The following CRLF1 variants were observed in gnomAD, a reference collection of about 807,000 sequenced individuals.
CRLF1 encodes cytokine receptor-like factor 1.
Under a neutral mutation model 48.9 loss-of-function variants are expected in CRLF1, and 36 were observed. That is an observed-to-expected ratio of 0.74 (90% CI 0.56 to 0.97). The LOEUF (loss-of-function observed/expected upper bound fraction) is 0.97. Among genes scored for constraint, CRLF1 ranks in the 50% least tolerant of loss-of-function variants. The pLI is 0.00. For missense variants in CRLF1, 534 were observed against 575.1 expected, an observed-to-expected ratio of 0.93 and a Z score of 0.73; for synonymous variants, 256 against 253.4, an observed-to-expected ratio of 1.01 and a Z score of -0.10.
At position 18,606,046 on chromosome 19, in the gene CRLF1, A is replaced by G. The variant is rs917073809; in HGVS notation, c.115+496T>C. Among the ~76,000 whole-genome samples the G allele has an allele frequency of 1.1e-4, 17 of 150,750 alleles. No homozygotes were observed. The highest frequency in any genetic ancestry group is 3.3e-4 in the Admixed American group (5 of 15,178). Reference sequence around the variant, plus strand: ...CCCGTGGAGACACAAGTCCCCCGGGACCCCGGGCTGCGCGCCAGGCGGCCA... The same window carrying G: ...CCCGTGGAGACACAAGTCCCCCGGGGCCCCGGGCTGCGCGCCAGGCGGCCA... On this transcript the variant is annotated intron_variant, in intron 1 of 8. Transcript: ENST00000392386. This position sits in a 1 kb window ranked among gnomAD's most constrained non-coding sequence, Gnocchi z 4.8.
intron 6 of CRLF1, among the ~76,000 whole-genome samples, chr19:18,595,236 C>T (rs1316024251): frequency 2.6e-5 from 4 of 152,252 alleles, no homozygotes; most frequent in East Asian, 1.9e-4. Context: ...CCCCAGCCTC[C>T]CCTGCGGACG....
Position 18,599,469 on chromosome 19 carries a change from C to T in CRLF1, c.397+96G>A, listed in dbSNP as rs560530161. ...TAGCCATGCCAGTGTGCCCACAGCTCATCCCCAGGCCAGAAGGCCCACAAT... is the reference window on the plus strand; with the variant it reads ...TAGCCATGCCAGTGTGCCCACAGCTTATCCCCAGGCCAGAAGGCCCACAAT... On this transcript the variant is annotated intron_variant, in intron 2 of 8. Coordinates refer to ENST00000392386, the MANE Select transcript of CRLF1 (RefSeq NM_004750.5). 309 of 1,546,406 alleles carry T rather than the reference C, an allele frequency of 2.0e-4. 1 individual carries two copies. The highest frequency in any genetic ancestry group is 9.3e-4 in the Middle Eastern group (4 of 4,314).
At chr19:18,594,032 T>TTGCGCC in intron 8 of CRLF1, 33 bp downstream of exon 8, 13 of 695,802 alleles carry the variant, frequency 1.9e-5, no homozygotes, top group Non-Finnish European at 2.9e-5. Flanking sequence ...CTCCCCTTGC[T>TTGCGCC]CCCTCCCGCC....
intron 6 of CRLF1, 74 bp from the exon 7 acceptor site, chr19:18,594,508 CGGCGCGGCGGGACCATGCTCCCCTCG>C (rs1361047328): frequency 2.6e-6 from 3 of 1,162,744 alleles, no homozygotes; most frequent in Admixed American, 8.7e-5. Flanking sequence ...GGGGAGACCC[CGGCGCGGCGGGACCATGCTCCCCTCG>C]GGGAACCTCC....
Position 18,606,511 on chromosome 19 carries a change from G to T in CRLF1, c.115+31C>A. The T allele has an allele frequency of 8.7e-7, 1 of 1,145,194 alleles. No individual in the cohort carries two copies. Among genetic ancestry groups the T allele is most frequent in the Non-Finnish European group, 1.1e-6 (1 of 932,700 alleles). 70.9% of individuals were successfully genotyped at this position (1,145,194 alleles called of 1,614,324 possible). The stretch of plus-strand genomic sequence containing the variant: ...GGGGCGCCCGCCCTCTGCTCTGGCA[G>T]GGGGGAAGGAGTGGGGCGCCGGGTA... On this transcript the variant is annotated intron_variant, in intron 1 of 8. Coordinates refer to ENST00000392386, the MANE Select transcript of CRLF1 (RefSeq NM_004750.5). The surrounding 1 kb of genome is among the most constrained non-coding windows in gnomAD (Gnocchi z 4.8).
Position 18,606,669 on chromosome 19 carries a change from G to T in CRLF1, c.-13C>A. 1 of 595,426 alleles carries T rather than the reference G, an allele frequency of 1.7e-6. No individual in the cohort carries two copies. The highest frequency in any genetic ancestry group is 2.1e-6 in the Non-Finnish European group (1 of 477,094). The allele number at this position is 595,426 out of a possible 1,614,324, so 36.9% of individuals were successfully genotyped here. ...GGCCGGCGGGCATGGGGCCGGCGCT[G>T]CCGGGGGCGCGCGGCGGGCTGCGGC... On this transcript the variant is annotated 5_prime_UTR_variant, in exon 1 of 9. Transcript: ENST00000392386. This position sits in a 1 kb window ranked among gnomAD's most constrained non-coding sequence, Gnocchi z 4.8.
Position 18,593,344 on chromosome 19 carries a change from A to G in CRLF1, c.*222T>C, listed in dbSNP as rs1335990417. The stretch of plus-strand genomic sequence containing the variant: ...CCAGCCCTGGCAGGGGTTCTAGGCA[A>G]CTCAACCAACCCTCACACACACACA... On this transcript the variant is annotated 3_prime_UTR_variant, in exon 9 of 9. Coordinates refer to ENST00000392386, the MANE Select transcript of CRLF1 (RefSeq NM_004750.5). 1 of 606,820 alleles carries G rather than the reference A, an allele frequency of 1.6e-6. No homozygotes were observed. The highest frequency in any genetic ancestry group is 2.9e-6 in the Non-Finnish European group (1 of 342,926). The allele number at this position is 606,820 out of a possible 1,614,324, so 37.6% of individuals were successfully genotyped here.
Position 18,597,018 on chromosome 19 carries a change from C to T in CRLF1, c.729G>A (p.Val243=). The T allele has an allele frequency of 6.2e-7, 1 of 1,613,144 alleles. No individual in the cohort carries two copies. Among genetic ancestry groups the T allele is most frequent in the Non-Finnish European group, 8.5e-7 (1 of 1,179,738 alleles). The change falls in exon 5 of 9, where the codon GTG becomes GTA. Residue 243 remains valine (V), a synonymous_variant. Transcript: ENST00000392386. ...VTTDPPPDVH[V]SRVGGLEDQL... is the part of the protein sequence containing the mutation. ...GGTCCTCCAGGCCCCCGACGCGGCT[C>T]ACGTGCACGTCGGGCGGGGGGTCCG...
rs1300917525 is a variant in CRLF1 at position 18,606,329 on chromosome 19, A to G, written c.115+213T>C. Among the ~76,000 whole-genome samples, 1 of 150,922 alleles carries G rather than the reference A, an allele frequency of 6.6e-6. No individual in the cohort carries two copies. Among genetic ancestry groups the G allele is most frequent in the African/African-American group, 2.4e-5 (1 of 41,178 alleles). ...CCCTCGGCCCAGCTGCCCAGGTAAC[A>G]GGGCCTCGGGCGCGGAAGCAGGACT... On this transcript the variant is annotated intron_variant, in intron 1 of 8. Coordinates refer to ENST00000392386, the MANE Select transcript of CRLF1 (RefSeq NM_004750.5). The surrounding 1 kb of genome is among the most constrained non-coding windows in gnomAD (Gnocchi z 4.8).
At chr19:18,599,536 CCCCTGG>C in intron 2 of CRLF1, 23 bp downstream of exon 2, 2 of 1,611,628 alleles carry the variant, frequency 1.2e-6, no homozygotes. Context: ...CCAAGAGCTA[CCCCTGG>C]GGTGTCCTGG....
chr19:18,606,581 GC>G lies in CRLF1; in HGVS notation c.75del (p.Leu26SerfsTer17). 1 of 707,724 alleles carries G rather than the reference GC, an allele frequency of 1.4e-6. No individual in the cohort carries two copies. The highest frequency in any genetic ancestry group is 1.7e-6 in the Non-Finnish European group (1 of 584,114). The allele number at this position is 707,724 out of a possible 1,614,324, so 43.8% of individuals were successfully genotyped here. A position where few individuals can be genotyped will look rare whatever the true frequency, so the allele number is the denominator to read the frequency against. ...RPPPLLPLLL[L>X]LCVLGAPRAG... ...GCTCGCGGCGCCCCGAGGACGCAGAGCAGCAGCAGCAGGGGCAGCAACGGCG... is the reference window on the plus strand; with the variant it reads ...GCTCGCGGCGCCCCGAGGACGCAGAGAGCAGCAGCAGGGGCAGCAACGGCG... On this transcript the variant is annotated frameshift_variant, in exon 1 of 9. Coordinates refer to ENST00000392386, the MANE Select transcript of CRLF1 (RefSeq NM_004750.5). LOFTEE classifies it high-confidence loss of function. The surrounding 1 kb of genome is among the most constrained non-coding windows in gnomAD (Gnocchi z 4.8).
At chr19:18,598,644 T>A (rs200805969) in intron 3 of CRLF1, 43 bp from the exon 4 acceptor site, 532 of 1,613,848 alleles carry the variant, frequency 3.3e-4, no homozygotes, top group Non-Finnish European at 4.3e-4. Flanking sequence ...GGGTTCCTTG[T>A]GGCCCCCAGA....
intron 1 of CRLF1, among the ~76,000 whole-genome samples, chr19:18,605,578 G>A (rs2031233585): frequency 6.6e-6 from 1 of 152,252 alleles, no homozygotes; most frequent in African/African-American, 2.4e-5. Context: ...GTGTGCGTCC[G>A]CGATGGTGCG....
chr19:18,593,982 G>A, intron 8 of CRLF1, 83 bp downstream of exon 8: 4 of 1,520,902 alleles, frequency 2.6e-6, no homozygotes, highest in South Asian at 1.2e-5. Context: ...GTTGGGAGGC[G>A]TGGGGGTGTG....
chr19:18,598,824 C>T lies in CRLF1; in HGVS notation c.475G>A (p.Ala159Thr). Residue 159 changes from alanine (A) to threonine (T), a missense_variant, in exon 3 of 9, where the codon GCC becomes ACC. Around this residue, in one of 2 missense-constraint regions of CRLF1, gnomAD observed 528 missense variants for 555.7 expected, o/e 0.95. Transcript: ENST00000392386. ...GTGTGGAGGAAGGTCTCCCCGTGGGCCCCTGGCGTCCAGCGGCAGGTCAAG... is the reference window on the plus strand; with the variant it reads ...GTGTGGAGGAAGGTCTCCCCGTGGGTCCCTGGCGTCCAGCGGCAGGTCAAG... ...KDLTCRWTPG[A>T]HGETFLHTNY... 3.1e-6 allele frequency: 5 copies of T among 1,614,106 alleles called. No homozygotes were observed. The highest frequency in any genetic ancestry group is 4.2e-6 in the Non-Finnish European group (5 of 1,180,014).
At position 18,598,560 on chromosome 19, in the gene CRLF1, A is replaced by G. The variant is rs762357416; in HGVS notation, c.569T>C (p.Val190Ala). ...QDNTCEEYHT[V>A]GPHSCHIPKD... ...GGGGATGTGGCAGGAGTGGGGCCCC[A>G]CTGTGTGGTACTCCTCACATGTGTT... is the stretch of plus-strand genomic sequence containing the variant. Residue 190 changes from valine (V) to alanine (A), a missense_variant, in exon 4 of 9, where the codon GTG (valine) becomes GCG (alanine). By Grantham distance (64) the Val-to-Ala change is moderately conservative (BLOSUM62 0). Around this residue, in one of 2 missense-constraint regions of CRLF1, gnomAD observed 528 missense variants for 555.7 expected, o/e 0.95. Coordinates refer to ENST00000392386, the MANE Select transcript of CRLF1 (RefSeq NM_004750.5). The G allele has an allele frequency of 1.5e-5, 25 of 1,613,832 alleles. No individual in the cohort carries two copies. Among genetic ancestry groups the G allele is most frequent in the Admixed American group, 1.3e-4 (8 of 60,000 alleles).
intron 6 of CRLF1, among the ~76,000 whole-genome samples, chr19:18,595,659 A>G (rs1236748414): frequency 2.6e-5 from 4 of 152,208 alleles, no homozygotes; most frequent in East Asian, 3.8e-4. Flanking sequence ...TATGTCATCC[A>G]ACCCTCATAA....
chr19:18,603,726 G>A lies in CRLF1; in HGVS notation c.115+2816C>T, dbSNP rs1381308834. Among the ~76,000 whole-genome samples, 6 of 152,276 alleles carry A rather than the reference G, an allele frequency of 3.9e-5. No individual in the cohort carries two copies. The East Asian group carries it at 5.8e-4, about 15-fold the overall frequency. On this transcript the variant is annotated intron_variant, in intron 1 of 8. Transcript: ENST00000392386. Reference sequence around the variant, plus strand: ...GTGGGGTGGACACGGTTCTTGGGCCGGCCCTGATGATTTTCCGGGGCAAAC... The same window carrying A: ...GTGGGGTGGACACGGTTCTTGGGCCAGCCCTGATGATTTTCCGGGGCAAAC...
intron 1 of CRLF1, among the ~76,000 whole-genome samples, chr19:18,600,373 A>ATTT (rs35218652): frequency 9.3e-6 from 1 of 107,774 alleles, no homozygotes; most frequent in Non-Finnish European, 1.8e-5. Flanking sequence ...TAACTTTTGT[A>ATTT]TTTTTTTTTT....
Sources: allele counts gnomAD v4.1 joint callset (sites outside exome capture counted in the v4.1 genomes callset), GRCh38; gene constraint gnomAD v4.1.1; regional missense constraint gnomAD v4.1.1; non-coding constraint Gnocchi (gnomAD v3.1); transcripts MANE v1.5; gene names NCBI Gene and HGNC (gene_info 2026-07-23, HGNC 2026-07-21).